The following GALNTL6 variants were observed in gnomAD, a reference collection of about 807,000 sequenced individuals.
GALNTL6 encodes the protein polypeptide N-acetylgalactosaminyltransferase like 6.
In GALNTL6, 46 loss-of-function variants were observed where a neutral mutation model predicts 73.7. The ratio of observed to expected loss-of-function variants is 0.62; its 90% confidence interval spans 0.49 to 0.80. The LOEUF (loss-of-function observed/expected upper bound fraction) is 0.80, where lower values mean the gene tolerates loss of function less well. GALNTL6 is among the 30% of genes least tolerant of loss of function. GALNTL6 has a pLI of 0.00. For missense variants in GALNTL6, 604 were observed against 755.0 expected, an observed-to-expected ratio of 0.80 and a Z score of 2.34; for synonymous variants, 259 against 263.7, an observed-to-expected ratio of 0.98 and a Z score of 0.17.
chr4:172,397,307 A>C (rs1743882909), intron 5 of GALNTL6, among the ~76,000 whole-genome samples: 1 of 152,164 alleles, frequency 6.6e-6, no homozygotes, highest in African/African-American at 2.4e-5. Flanking sequence ...ACACCCATGA[A>C]ATGATTAAGA....
chr4:172,583,841 C>G (rs1201430755), intron 5 of GALNTL6, among the ~76,000 whole-genome samples: 1 of 139,192 alleles, frequency 7.2e-6, no homozygotes, highest in Non-Finnish European at 1.5e-5. Flanking sequence ...AGGTTGCAGC[C>G]GAGATCACAC....
At chr4:172,292,112 T>C (rs1955282) in intron 3 of GALNTL6, among the ~76,000 whole-genome samples, 101,181 of 151,850 alleles carry the variant, frequency 0.67, 33,850 homozygotes, top group South Asian at 0.82. Context: ...ACATGTATTG[T>C]GTATCAAGTG....
chr4:172,682,399 A>G (rs1387928351), intron 5 of GALNTL6, among the ~76,000 whole-genome samples: 1 of 152,160 alleles, frequency 6.6e-6, no homozygotes, highest in Non-Finnish European at 1.5e-5. Context: ...ATGGATTTTA[A>G]TATATATAAC....
intron 2 of GALNTL6, among the ~76,000 whole-genome samples, chr4:171,963,801 G>T (rs919138365): frequency 6.6e-6 from 1 of 152,120 alleles, no homozygotes; most frequent in Admixed American, 6.5e-5. Flanking sequence ...AGAATAAAAG[G>T]CCTATATGTT....
intron 10 of GALNTL6, among the ~76,000 whole-genome samples, chr4:173,001,168 T>C (rs978074813): frequency 2.0e-5 from 3 of 152,192 alleles, no homozygotes; most frequent in Non-Finnish European, 2.9e-5. Context: ...GCATATTATG[T>C]ACTCTCTTTC....
rs71592072 is a variant in GALNTL6, at chr4:172,370,630, C to CAAAAAAA, written c.553+21956_553+21962dup. Among the ~76,000 whole-genome samples the CAAAAAAA allele has an allele frequency of 2.2e-3, 129 of 59,718 alleles. 1 individual carries two copies. The highest frequency in any genetic ancestry group is 3.6e-3 in the Non-Finnish European group (111 of 31,138). 39.2% of individuals were successfully genotyped at this position (59,718 alleles called of 152,430 possible). A position where few individuals can be genotyped will look rare whatever the true frequency, so the allele number is the denominator to read the frequency against. ...TGGGCGACAGAGTGAGACTCCATCT[C>CAAAAAAA]AAAAAAAAAAAAAAAAAAAAAGAGT... On this transcript the variant is annotated intron_variant, in intron 5 of 12. Transcript: ENST00000506823.
chr4:172,409,055 G>A (rs2111339585), intron 5 of GALNTL6, among the ~76,000 whole-genome samples: 1 of 152,032 alleles, frequency 6.6e-6, no homozygotes, highest in South Asian at 2.1e-4. Flanking sequence ...TTTATTAAGA[G>A]CAGAAACCTT....
intron 3 of GALNTL6, among the ~76,000 whole-genome samples, chr4:172,258,755 A>AT (rs763065921): frequency 6.6e-6 from 1 of 150,978 alleles, no homozygotes; most frequent in Admixed American, 6.6e-5. Flanking sequence ...CCATCCCATC[A>AT]TTCCTGTTGT....
At chr4:172,521,939 A>G (rs1233582037) in intron 5 of GALNTL6, among the ~76,000 whole-genome samples, 1 of 152,196 alleles carries the variant, frequency 6.6e-6, no homozygotes, top group East Asian at 1.9e-4. Context: ...ATTGTGTGCT[A>G]CGTAACTTGA....
At chr4:171,910,966 A>T (rs1464656218) in intron 2 of GALNTL6, among the ~76,000 whole-genome samples, 1 of 152,130 alleles carries the variant, frequency 6.6e-6, no homozygotes, top group Admixed American at 6.6e-5. Context: ...CTAGTTCTTT[A>T]GTTATTGATA....
At chr4:172,642,465 T>C (rs1296192084) in intron 5 of GALNTL6, among the ~76,000 whole-genome samples, 2 of 152,010 alleles carry the variant, frequency 1.3e-5, no homozygotes, top group African/African-American at 4.8e-5. Flanking sequence ...TTATGTGAAA[T>C]AAGCCAGGTG....
intron 5 of GALNTL6, among the ~76,000 whole-genome samples, chr4:172,465,613 T>C (rs535698346): frequency 6.6e-6 from 1 of 152,312 alleles, no homozygotes; most frequent in East Asian, 1.9e-4. Context: ...GGCATGAATA[T>C]GAAGAAACAA....
chr4:172,532,410 A>G (rs1015739611), intron 5 of GALNTL6, among the ~76,000 whole-genome samples: 1 of 152,190 alleles, frequency 6.6e-6, no homozygotes, highest in Non-Finnish European at 1.5e-5. Context: ...AAAGACTTCA[A>G]AAAGAGTATG....
intron 5 of GALNTL6, among the ~76,000 whole-genome samples, chr4:172,370,870 C>A (rs535351322): frequency 6.6e-6 from 1 of 151,340 alleles, no homozygotes; most frequent in African/African-American, 2.4e-5. Flanking sequence ...GGATAGATTT[C>A]GTTATTTCTT....
At chr4:172,442,672 T>C (rs1212634321) in intron 5 of GALNTL6, among the ~76,000 whole-genome samples, 1 of 152,154 alleles carries the variant, frequency 6.6e-6, no homozygotes, top group African/African-American at 2.4e-5. Context: ...AGTGAGACTA[T>C]AGTCAGAAAA....
In GALNTL6 at chr4:172,786,525, ATTTTG is replaced by A. The variant is rs1340546689; in HGVS notation, c.554-22825_554-22821del. Among the ~76,000 whole-genome samples the A allele has an allele frequency of 3.9e-5, 6 of 152,264 alleles. No homozygotes were observed. The East Asian group carries it at 9.6e-4, about 24-fold the overall frequency. The stretch of plus-strand genomic sequence containing the variant: ...GCAAGATTTTTAGTTTTTGTTTTAC[ATTTTG>A]TTTTGTTTTGATTTGGTCTACTCAG... On this transcript the variant is annotated intron_variant, in intron 5 of 12. Coordinates refer to ENST00000506823, the MANE Select transcript of GALNTL6 (RefSeq NM_001034845.3).
chr4:173,005,204 C>T (rs1463194014), intron 10 of GALNTL6, among the ~76,000 whole-genome samples: 4 of 152,178 alleles, frequency 2.6e-5, no homozygotes, highest in Admixed American at 6.5e-5. Flanking sequence ...GAGATTATCT[C>T]GGTAATTCCT....
At chr4:172,467,362 G>T (rs140528278) in intron 5 of GALNTL6, among the ~76,000 whole-genome samples, 1 of 152,148 alleles carries the variant, frequency 6.6e-6, no homozygotes, top group Admixed American at 6.5e-5. Context: ...AGTAAATTTC[G>T]TAGGGTTCAG....
chr4:172,057,723 A>ATATATAT lies in GALNTL6; in HGVS notation c.139-171933_139-171932insTATATAT, dbSNP rs1448728102. Among the ~76,000 whole-genome samples the ATATATAT allele has an allele frequency of 1.8e-4, 11 of 59,930 alleles. 1 individual carries two copies. In the South Asian group the frequency reaches 1.9e-3, roughly 10 times the overall value. 39.3% of individuals were successfully genotyped at this position (59,930 alleles called of 152,430 possible). On this transcript the variant is annotated intron_variant, in intron 2 of 12. Transcript: ENST00000506823. Reference sequence around the variant, plus strand: ...TCTCAAAAAAAAAAAAAAAAAAAAAAAAAAATATATATATATATATATATA... The same window carrying ATATATAT: ...TCTCAAAAAAAAAAAAAAAAAAAAAATATATATAAAAATATATATATATATATATATA...
Sources: allele counts gnomAD v4.1 joint callset (sites outside exome capture counted in the v4.1 genomes callset), GRCh38; gene constraint gnomAD v4.1.1; transcripts MANE v1.5; gene names NCBI Gene and HGNC (gene_info 2026-07-23, HGNC 2026-07-21).